CFAP47: variants seen among roughly 807,000 people sequenced by gnomAD.
CFAP47 encodes cilia- and flagella-associated protein 47.
CFAP47 carries 29 observed loss-of-function variants against 148.1 expected under a neutral mutation model. That is an observed-to-expected ratio of 0.20 (90% CI 0.15 to 0.27). CFAP47 has a LOEUF of 0.27. Among genes scored for constraint, CFAP47 ranks in the 10% least tolerant of loss-of-function variants. The pLI, the probability that CFAP47 is intolerant of heterozygous loss-of-function variation, is 1.00. For missense variants in CFAP47, 1,872 were observed against 1,697.5 expected, an observed-to-expected ratio of 1.10 and a Z score of -1.81; for synonymous variants, 664 against 577.3, an observed-to-expected ratio of 1.15 and a Z score of -2.15.
At chrX:36,228,324 C>T (rs1437386679) in intron 45 of CFAP47, among the ~76,000 whole-genome samples, 1 of 111,169 alleles carries the variant, frequency 9.0e-6, no homozygotes, top group Non-Finnish European at 1.9e-5. Context: ...CCCCTGACCT[C>T]TCAGCCAAAG....
intron 39 of CFAP47, among the ~76,000 whole-genome samples, chrX:36,169,978 T>C (rs1939546423): frequency 8.9e-6 from 1 of 111,846 alleles, no homozygotes; most frequent in Admixed American, 9.5e-5. Flanking sequence ...AGGAATAAGA[T>C]TTTTTTGAAG....
intron 33 of CFAP47, among the ~76,000 whole-genome samples, chrX:36,132,953 C>A (rs1938974658): frequency 1.8e-5 from 2 of 111,724 alleles, no homozygotes; most frequent in Admixed American, 1.9e-4. Flanking sequence ...GCAGCAAATT[C>A]TCTGTTTTTC....
chrX:36,116,310 G>A lies in CFAP47; in HGVS notation c.5320+11619G>A, dbSNP rs189850254. On this transcript the variant is annotated intron_variant, in intron 33 of 63. Coordinates refer to ENST00000378653, the MANE Select transcript of CFAP47 (RefSeq NM_001304548.2). ...TAGCTCCCACTACAAGTGAGAACAC[G>A]TGGTATTTGGTTTTCTGTTTCTAAG... Among the ~76,000 whole-genome samples the A allele has an allele frequency of 8.3e-4, 93 of 112,167 alleles. 1 individual carries two copies. Among genetic ancestry groups the A allele is most frequent in the African/African-American group, 2.8e-3 (86 of 30,950 alleles).
chrX:36,157,614 T>C (rs896476173), intron 37 of CFAP47, among the ~76,000 whole-genome samples: 4 of 111,268 alleles, frequency 3.6e-5, no homozygotes. Flanking sequence ...ATTTTCACAT[T>C]TATTTTGTGT....
chrX:36,295,122 T>C (rs992314882), intron 51 of CFAP47, among the ~76,000 whole-genome samples: 8 of 112,198 alleles, frequency 7.1e-5, no homozygotes, highest in Non-Finnish European at 1.5e-4. Flanking sequence ...CCTTATAAAA[T>C]AATGCTTTCC....
intron 2 of CFAP47, among the ~76,000 whole-genome samples, chrX:35,930,710 C>A (rs1935814107): frequency 1.8e-5 from 2 of 111,203 alleles, no homozygotes; most frequent in Admixed American, 1.9e-4. Flanking sequence ...TCTAAGTTGT[C>A]AAATTTATGA....
intron 25 of CFAP47, among the ~76,000 whole-genome samples, chrX:36,040,141 GAT>G: frequency 8.9e-6 from 1 of 111,794 alleles, no homozygotes; most frequent in South Asian, 3.8e-4. Context: ...GATAGGAAGA[GAT>G]ATAACAGCAT....
chrX:36,198,366 G>C (rs1435899858), intron 42 of CFAP47, among the ~76,000 whole-genome samples: 4 of 112,159 alleles, frequency 3.6e-5, no homozygotes, highest in African/African-American at 1.3e-4. Flanking sequence ...ATGGAAGGGA[G>C]AATGTTGGTT....
chrX:36,085,509 G>C lies in CFAP47; in HGVS notation c.4887G>C (p.Leu1629Phe), dbSNP rs756548975. The change falls in exon 30 of 64, where the codon TTG becomes TTC. Residue 1629 changes from leucine to phenylalanine, a missense_variant. Transcript: ENST00000378653. Reference sequence around the variant, plus strand: ...AAAAAAGGGTAATTCAACTCCATTTGCAACATTCCTCACTTCTGGACTTTC... The same window carrying C: ...AAAAAAGGGTAATTCAACTCCATTTCCAACATTCCTCACTTCTGGACTTTC... The part of the protein sequence containing the change: ...NHEKRVIQLH[L>F]QHSSLLDFLN... 63 of 1,193,711 alleles carry C rather than the reference G, an allele frequency of 5.3e-5. No individual in the cohort carries two copies. The Middle Eastern group carries it at 9.3e-4, about 18-fold the overall frequency.
chrX:36,371,561 G>GTA (rs1222992904), intron 62 of CFAP47, among the ~76,000 whole-genome samples: 1 of 100,386 alleles, frequency 1.0e-5, no homozygotes, highest in Non-Finnish European at 2.0e-5. Context: ...ATATATATGT[G>GTA]TATATATATG....
intron 39 of CFAP47, among the ~76,000 whole-genome samples, chrX:36,168,752 G>A (rs754602880): frequency 2.4e-4 from 27 of 111,489 alleles, no homozygotes; most frequent in African/African-American, 8.8e-4. Flanking sequence ...AATGAGAAAG[G>A]CAAATATAAA....
Position 36,348,176 on chromosome X carries a change from A to G in CFAP47, c.8491A>G (p.Ile2831Val). The change falls in exon 58 of 64, where the codon ATA becomes GTA. Residue 2831 changes from isoleucine to valine, a missense_variant. Coordinates refer to ENST00000378653, the MANE Select transcript of CFAP47 (RefSeq NM_001304548.2). ...AAATATAGATATCTCATTGTTATTT[A>G]TACCTCAAATTATGAAATTACACAA... ...KGNIDISLLF[I>V]PQIMKLHKTM... The G allele has an allele frequency of 9.5e-7, 1 of 1,052,212 alleles. No homozygotes were observed. The highest frequency in any genetic ancestry group is 1.2e-6 in the Non-Finnish European group (1 of 805,899). 86.7% of individuals were successfully genotyped at this position (1,052,212 alleles called of 1,213,427 possible).
intron 57 of CFAP47, among the ~76,000 whole-genome samples, chrX:36,333,203 G>A (rs1417951324): frequency 7.5e-5 from 8 of 107,099 alleles, no homozygotes; most frequent in African/African-American, 2.7e-4. Flanking sequence ...CTATCCCAAA[G>A]TACAGTATAC....
chrX:36,249,029 C>G (rs146658004), intron 48 of CFAP47, among the ~76,000 whole-genome samples: 341 of 109,577 alleles, frequency 3.1e-3, no homozygotes, highest in African/African-American at 0.011. Flanking sequence ...GGAGGTGCAC[C>G]TGAAGCAGTG....
At chrX:36,327,515 G>T (rs1941527709) in intron 57 of CFAP47, among the ~76,000 whole-genome samples, 1 of 111,828 alleles carries the variant, frequency 8.9e-6, no homozygotes, top group South Asian at 3.7e-4. Context: ...TACGCTGTTG[G>T]TGTGAATGTA....
intron 21 of CFAP47, among the ~76,000 whole-genome samples, chrX:36,003,692 G>A (rs1936943442): frequency 9.1e-6 from 1 of 110,462 alleles, no homozygotes; most frequent in South Asian, 3.8e-4. Context: ...AAAGCTGGAA[G>A]TGTGACCCTT....
Position 36,275,415 on chromosome X carries a change from C to CGTGTGTGTGT in CFAP47, c.7445-5039_7445-5030dup, listed in dbSNP as rs35781816. Among the ~76,000 whole-genome samples the CGTGTGTGTGT allele has an allele frequency of 7.5e-3, 654 of 87,720 alleles. 9 individuals carry two copies. Among genetic ancestry groups the CGTGTGTGTGT allele is most frequent in the African/African-American group, 0.026 (611 of 23,674 alleles). 76.2% of individuals were successfully genotyped at this position (87,720 alleles called of 115,157 possible). A position where few individuals can be genotyped will look rare whatever the true frequency, so the allele number is the denominator to read the frequency against. ...TTTTCTATGCATTAAGTGAGATCGTCGTGTGTGTGTGTGTGTGTGTGTGTG... is the reference window on the plus strand; with the variant it reads ...TTTTCTATGCATTAAGTGAGATCGTCGTGTGTGTGTGTGTGTGTGTGTGTGTGTGTGTGTG... On this transcript the variant is annotated intron_variant, in intron 49 of 63. Transcript: ENST00000378653.
chrX:36,268,188 A>G (rs1940917725), intron 49 of CFAP47, among the ~76,000 whole-genome samples: 1 of 113,734 alleles, frequency 8.8e-6, no homozygotes, highest in African/African-American at 3.2e-5. Context: ...TTTCTGGCAT[A>G]CAGCTGCAGG....
At position 36,222,531 on chromosome X, in the gene CFAP47, ATT is replaced by A. The variant is rs1253186679; in HGVS notation, c.6818-6094_6818-6093del. ...GTATAGGTCTTTATTATTTTAAATT[ATT>A]TTATTGAATATTATAATAAATATAA... is the stretch of plus-strand genomic sequence containing the variant. On this transcript the variant is annotated intron_variant, in intron 45 of 63. Coordinates refer to ENST00000378653, the MANE Select transcript of CFAP47 (RefSeq NM_001304548.2). 2.7e-5 allele frequency among the ~76,000 whole-genome samples: 3 copies of A among 110,420 alleles called. No homozygotes were observed. The East Asian group carries it at 8.5e-4, about 31-fold the overall frequency.
Sources: gnomAD v4.1 joint callset for allele counts (sites outside exome capture counted in the v4.1 genomes callset) on GRCh38, gnomAD v4.1.1 for gene constraint, MANE v1.5 for transcripts, NCBI Gene and HGNC (gene_info 2026-07-23, HGNC 2026-07-21) for gene names.